The following GALK2 variants were observed in gnomAD, a reference collection of about 807,000 sequenced individuals.
GALK2 encodes galactokinase 2, also known as N-acetylgalactosamine kinase.
Under a neutral mutation model 52.4 loss-of-function variants are expected in GALK2, and 36 were observed. The observed-to-expected ratio is 0.69, with a 90% CI of 0.53 to 0.91. The LOEUF (loss-of-function observed/expected upper bound fraction) is 0.91, where lower values mean the gene tolerates loss of function less well. Among genes scored for constraint, GALK2 ranks in the 40% least tolerant of loss-of-function variants. The pLI is 0.00. For synonymous variants in GALK2, 176 were observed against 199.1 expected (o/e 0.88, Z 0.98); for missense variants, 579 against 559.1 (o/e 1.04, Z -0.36).
At chr15:49,236,956 T>G (rs141660819) in intron 4 of GALK2, among the ~76,000 whole-genome samples, 73 of 152,312 alleles carry the variant, frequency 4.8e-4, no homozygotes, top group African/African-American at 1.4e-3. Context: ...TTCTTTTGTG[T>G]TTTCCTTTCT....
chr15:49,201,053 A>AGT (rs10629223), intron 1 of GALK2, 109 bp from the exon 2 acceptor site: 117,842 of 398,108 alleles, frequency 0.3, 10,307 homozygotes, highest in East Asian at 0.5. Context: ...AGGCATATGG[A>AGT]GTGTGTGTGT....
At chr15:49,306,370 A>C (rs2035544938) in intron 8 of GALK2, among the ~76,000 whole-genome samples, 1 of 152,170 alleles carries the variant, frequency 6.6e-6, no homozygotes, top group African/African-American at 2.4e-5. Context: ...ATGTTTGAGA[A>C]CCAGCTATTT....
chr15:49,318,073 T>C (rs187512257), intron 8 of GALK2: 2 of 152,028 alleles, frequency 1.3e-5, no homozygotes, highest in East Asian at 1.9e-4. Context: ...AAAAAAATTA[T>C]AGACTTTTTG....
intron 1 of GALK2, among the ~76,000 whole-genome samples, chr15:49,162,358 A>G (rs543898857): frequency 2.4e-4 from 37 of 152,336 alleles, no homozygotes; most frequent in East Asian, 1.4e-3. Context: ...TTACATGGAT[A>G]TATTACAATT....
In GALK2 at chr15:49,303,601, G is replaced by T. The variant is rs554305116; in HGVS notation, c.967+11064G>T. On this transcript the variant is annotated intron_variant, in intron 8 of 9. Coordinates refer to ENST00000560031, the MANE Select transcript of GALK2 (RefSeq NM_002044.4). Reference sequence around the variant, plus strand: ...TCATTCTTAGTATATTTACTTATTTGCTCATTTTCCCTGTATGTACCTGGT... The same window carrying T: ...TCATTCTTAGTATATTTACTTATTTTCTCATTTTCCCTGTATGTACCTGGT... 9.2e-5 allele frequency among the ~76,000 whole-genome samples: 14 copies of T among 152,258 alleles called. No homozygotes were observed. In the East Asian group the frequency reaches 2.7e-3, roughly 29 times the overall value.
chr15:49,161,267 A>G (rs2084642172), intron 1 of GALK2, among the ~76,000 whole-genome samples: 1 of 152,226 alleles, frequency 6.6e-6, no homozygotes, highest in African/African-American at 2.4e-5. Context: ...CAAATTTATT[A>G]AGTCTAGTCT....
chr15:49,266,044 T>G (rs76590369), intron 5 of GALK2, among the ~76,000 whole-genome samples: 9,173 of 152,258 alleles, frequency 0.06, 554 homozygotes, highest in African/African-American at 0.15. Context: ...GTCTATTTTG[T>G]CTGGACTCAT....
At chr15:49,351,692 A>G (rs898709300) in intron 3 of GALK2, among the ~76,000 whole-genome samples, 37 of 152,202 alleles carry the variant, frequency 2.4e-4, no homozygotes, top group African/African-American at 8.4e-4. Flanking sequence ...AAGGGAATAA[A>G]GTAACATTGG....
At chr15:49,250,083 C>T (rs964736676) in intron 5 of GALK2, among the ~76,000 whole-genome samples, 1 of 152,140 alleles carries the variant, frequency 6.6e-6, no homozygotes, top group African/African-American at 2.4e-5. Context: ...GTTTGGTGTA[C>T]TCTTGTGGTA....
intron 8 of GALK2, chr15:49,319,246 G>A (rs893748402): frequency 2.9e-5 from 10 of 350,418 alleles, no homozygotes; most frequent in African/African-American, 8.6e-5. Context: ...GAGCTACCGC[G>A]CCTGGCCTAC....
At position 49,366,220 on chromosome 15, in the gene GALK2, G is replaced by A. The variant is rs747053851; in HGVS notation, c.427-1271G>A. The A allele has an allele frequency of 2.3e-5, 18 of 790,236 alleles. 1 individual carries two copies. The highest frequency in any genetic ancestry group is 1.1e-4 in the South Asian group (8 of 74,698). The allele number at this position is 790,236 out of a possible 1,614,324, so 49.0% of individuals were successfully genotyped here. A position where few individuals can be genotyped will look rare whatever the true frequency, so the allele number is the denominator to read the frequency against. On this transcript the variant is annotated intron_variant, in intron 3 of 3. Coordinates refer to the GALK2 transcript ENST00000558399. ...ATGGAGAACACATTTTCACAGTAATGTTATTTCCTAGAGTCTGCTTCATAT... is the reference window on the plus strand; with the variant it reads ...ATGGAGAACACATTTTCACAGTAATATTATTTCCTAGAGTCTGCTTCATAT...
At chr15:49,281,115 G>A (rs2032631324) in intron 5 of GALK2, among the ~76,000 whole-genome samples, 1 of 152,334 alleles carries the variant, frequency 6.6e-6, no homozygotes, top group South Asian at 2.1e-4. Context: ...GATTACAGGC[G>A]TAAGCCACAG....
chr15:49,313,605 C>G (rs554093193), intron 8 of GALK2, among the ~76,000 whole-genome samples: 2 of 152,332 alleles, frequency 1.3e-5, no homozygotes, highest in African/African-American at 4.8e-5. Flanking sequence ...CTAGTAGTGT[C>G]ATAGTTTGTC....
chr15:49,329,583 C>CTAT lies in GALK2; in HGVS notation c.*1426_*1428dup, dbSNP rs1431874623. Reference sequence around the variant, plus strand: ...ATAGAATACTAGGAAAGCCAATATTCTATTTAAAAATAAACTTCTGATGCA... The same window carrying CTAT: ...ATAGAATACTAGGAAAGCCAATATTCTATTATTTAAAAATAAACTTCTGATGCA... On this transcript the variant is annotated 3_prime_UTR_variant, in exon 10 of 10. Transcript: ENST00000560031. 1.0e-6 allele frequency: 1 copy of CTAT among 984,038 alleles called. No homozygotes were observed. Among genetic ancestry groups the CTAT allele is most frequent in the Non-Finnish European group, 1.2e-6 (1 of 828,850 alleles). The allele number at this position is 984,038 out of a possible 1,614,324, so 61.0% of individuals were successfully genotyped here. A position where few individuals can be genotyped will look rare whatever the true frequency, so the allele number is the denominator to read the frequency against.
At chr15:49,340,471 A>G (rs76209592) in intron 3 of GALK2, among the ~76,000 whole-genome samples, 9 of 120,750 alleles carry the variant, frequency 7.5e-5, no homozygotes, top group African/African-American at 2.5e-4. Flanking sequence ...ACCAGTCCCA[A>G]TGAGATGAAC....
At chr15:49,186,265 T>A (rs2086330172) in intron 1 of GALK2, among the ~76,000 whole-genome samples, 1 of 152,188 alleles carries the variant, frequency 6.6e-6, no homozygotes, top group African/African-American at 2.4e-5. Flanking sequence ...TTACAGGCTA[T>A]TTTCTGTAAC....
intron 7 of GALK2, among the ~76,000 whole-genome samples, chr15:49,288,271 C>G (rs1450673838): frequency 6.6e-6 from 1 of 152,076 alleles, no homozygotes; most frequent in Non-Finnish European, 1.5e-5. Context: ...TATGGGAAGT[C>G]AGGTAGGGAA....
rs2087735006 is a variant in GALK2 at position 49,201,156 on chromosome 15, T to C, written c.54-6T>C. The C allele has an allele frequency of 6.4e-7, 1 of 1,551,390 alleles. No individual in the cohort carries two copies. Among genetic ancestry groups the C allele is most frequent in the Non-Finnish European group, 8.9e-7 (1 of 1,124,738 alleles). ...ATATTCTGAAATATTGTACTTTTATTTTCAGGTTACTGAAGCTAAAGGAGA... is the reference window on the plus strand; with the variant it reads ...ATATTCTGAAATATTGTACTTTTATCTTCAGGTTACTGAAGCTAAAGGAGA... On this transcript the variant is annotated splice_polypyrimidine_tract_variant and splice_region_variant and intron_variant, in intron 1 of 9. Transcript: ENST00000560031.
intron 8 of GALK2, among the ~76,000 whole-genome samples, chr15:49,307,089 T>C (rs911972201): frequency 2.0e-5 from 3 of 152,170 alleles, no homozygotes; most frequent in African/African-American, 4.8e-5. Flanking sequence ...CTGACTGTTA[T>C]GTTTTTGGAG....
Sources: gnomAD v4.1 joint callset for allele counts (sites outside exome capture counted in the v4.1 genomes callset) on GRCh38, gnomAD v4.1.1 for gene constraint, MANE v1.5 for transcripts, NCBI Gene and HGNC (gene_info 2026-07-23, HGNC 2026-07-21) for gene names.